The following SPATA45 variants were observed in gnomAD, a reference collection of about 807,000 sequenced individuals.
The protein encoded by SPATA45 is spermatogenesis associated 45.
Under a neutral mutation model 7.0 loss-of-function variants are expected in SPATA45, and 5 were observed. The observed-to-expected ratio is 0.71, with a 90% CI of 0.37 to 1.50. The LOEUF (loss-of-function observed/expected upper bound fraction) is 1.50, where lower values mean the gene tolerates loss of function less well. Ranked by LOEUF, SPATA45 falls within the 40% of genes most tolerant of loss-of-function variation. The probability of loss-of-function intolerance (pLI) is 0.03; values close to 1 mark genes in which losing one functional copy is unlikely to be tolerated. For missense variants in SPATA45, 111 were observed against 114.9 expected (o/e 0.97, Z 0.16); for synonymous variants, 40 against 38.7 (o/e 1.03, Z -0.13).
chr1:212,833,194 A>G (rs572809200), intron 2 of SPATA45, among the ~76,000 whole-genome samples: 1 of 151,634 alleles, frequency 6.6e-6, no homozygotes, highest in Admixed American at 6.6e-5. Flanking sequence ...GCACCCATCA[A>G]CCGAGCATAT....
chr1:212,846,485 A>T (rs144898724), intron 1 of SPATA45, among the ~76,000 whole-genome samples: 1 of 152,164 alleles, frequency 6.6e-6, no homozygotes, highest in African/African-American at 2.4e-5. Flanking sequence ...AGACCTGAAA[A>T]TAGCCTTAAC....
At chr1:212,840,966 G>T (rs115121570) in intron 1 of SPATA45, among the ~76,000 whole-genome samples, 3,466 of 151,820 alleles carry the variant, frequency 0.023, 60 homozygotes, top group South Asian at 0.041. Flanking sequence ...TTTTGAGGCG[G>T]AGTCTCTCTC....
chr1:212,840,666 G>A (rs1663664387), intron 1 of SPATA45, among the ~76,000 whole-genome samples: 1 of 152,080 alleles, frequency 6.6e-6, no homozygotes, highest in Non-Finnish European at 1.5e-5. Flanking sequence ...CGCCCAAGCT[G>A]GAGTGCAGGG....
chr1:212,833,156 C>A (rs978824517), intron 2 of SPATA45, among the ~76,000 whole-genome samples: 2 of 151,468 alleles, frequency 1.3e-5, no homozygotes, highest in African/African-American at 2.4e-5. Context: ...TGGGTAAGTT[C>A]TTCAGCGGTG....
At chr1:212,840,396 C>T (rs536345425) in intron 1 of SPATA45, among the ~76,000 whole-genome samples, 1 of 152,244 alleles carries the variant, frequency 6.6e-6, no homozygotes, top group Non-Finnish European at 1.5e-5. Flanking sequence ...GGCAGCAGAG[C>T]GAGTCTCCGT....
intron 2 of SPATA45, among the ~76,000 whole-genome samples, chr1:212,832,525 A>C (rs1663508697): frequency 6.6e-6 from 1 of 151,290 alleles, no homozygotes; most frequent in Non-Finnish European, 1.5e-5. Context: ...TTTTTGAGGC[A>C]AGATTTTATT....
chr1:212,846,156 C>T (rs9430104), intron 1 of SPATA45, among the ~76,000 whole-genome samples: 12,827 of 152,120 alleles, frequency 0.084, 859 homozygotes, highest in African/African-American at 0.18. Context: ...TCATTCTATA[C>T]GACAAATGCC....
At chr1:212,843,318 A>G (rs1188506978) in intron 1 of SPATA45, among the ~76,000 whole-genome samples, 1 of 152,052 alleles carries the variant, frequency 6.6e-6, no homozygotes, top group Non-Finnish European at 1.5e-5. Flanking sequence ...AAAGAAAGAA[A>G]AGTAAAGAAA....
At position 212,840,822 on chromosome 1, in the gene SPATA45, G is replaced by T. The variant is rs528241465; in HGVS notation, c.-38-4635C>A. ...TTTAGTAGAGACGGGGTTTCACCAT[G>T]TTAGCCAGGATGGACTCGATCTCCT... On this transcript the variant is annotated intron_variant, in intron 1 of 2. Transcript: ENST00000332912. 9.2e-5 allele frequency among the ~76,000 whole-genome samples: 14 copies of T among 152,186 alleles called. No homozygotes were observed. In the East Asian group the frequency reaches 2.7e-3, roughly 29 times the overall value.
intron 1 of SPATA45, among the ~76,000 whole-genome samples, chr1:212,847,034 G>A (rs561060023): frequency 2.0e-5 from 3 of 152,152 alleles, no homozygotes; most frequent in African/African-American, 7.2e-5. Context: ...GGAACTACAG[G>A]CACACACCAC....
chr1:212,837,352 G>A (rs889139713), intron 1 of SPATA45, among the ~76,000 whole-genome samples: 13 of 151,582 alleles, frequency 8.6e-5, no homozygotes, highest in Admixed American at 4.6e-4. Flanking sequence ...TAAAAGTGGC[G>A]GCCAGGCGCT....
chr1:212,847,169 G>A (rs1183987487), intron 1 of SPATA45, among the ~76,000 whole-genome samples: 1 of 152,172 alleles, frequency 6.6e-6, no homozygotes, highest in Non-Finnish European at 1.5e-5. Flanking sequence ...GGGATTACAG[G>A]CGTGAGCAAC....
chr1:212,830,234 G>T lies in SPATA45; in HGVS notation c.*8C>A, dbSNP rs776308053. ...GAATGTATTTCCGTGTGTCTCTGGAGATGCACTTTATCCAAATATGGCATT... is the reference window on the plus strand; with the variant it reads ...GAATGTATTTCCGTGTGTCTCTGGATATGCACTTTATCCAAATATGGCATT... On this transcript the variant is annotated 3_prime_UTR_variant, in exon 3 of 3. Coordinates refer to ENST00000332912, the MANE Select transcript of SPATA45 (RefSeq NM_001024601.3). 2.6e-6 allele frequency: 4 copies of T among 1,522,534 alleles called. No homozygotes were observed. In the South Asian group the frequency reaches 4.7e-5, roughly 18 times the overall value. 94.3% of individuals were successfully genotyped at this position (1,522,534 alleles called of 1,614,324 possible).
chr1:212,836,848 G>A (rs970387705), intron 1 of SPATA45, among the ~76,000 whole-genome samples: 26 of 148,026 alleles, frequency 1.8e-4, no homozygotes, highest in African/African-American at 2.5e-5. Flanking sequence ...TAGTAAAGAC[G>A]GGGTGTCACC....
intron 1 of SPATA45, among the ~76,000 whole-genome samples, chr1:212,840,657 G>A (rs1663664286): frequency 6.6e-6 from 1 of 151,942 alleles, no homozygotes. Flanking sequence ...TCGCTCTGTC[G>A]CCCAAGCTGG....
chr1:212,836,900 AC>A (rs1226352800), intron 1 of SPATA45, among the ~76,000 whole-genome samples: 1 of 147,212 alleles, frequency 6.8e-6, no homozygotes, highest in Non-Finnish European at 1.5e-5. Flanking sequence ...GTTGTGATCC[AC>A]CCGCCTCGGC....
At chr1:212,844,899 A>G (rs1002024903) in intron 1 of SPATA45, among the ~76,000 whole-genome samples, 1 of 152,164 alleles carries the variant, frequency 6.6e-6, no homozygotes, top group Non-Finnish European at 1.5e-5. Context: ...ATCAGATCCC[A>G]TCGCTCAGGG....
At position 212,836,078 on chromosome 1, in the gene SPATA45, C is replaced by A. The variant is rs746164114; in HGVS notation, c.72G>T (p.Glu24Asp). Residue 24 changes from glutamate (E) to aspartate (D), a missense_variant, in exon 2 of 3, where the codon GAG becomes GAT. Physicochemically the swap from Glu to Asp is conservative, Grantham distance 45. Transcript: ENST00000332912. ...AGTTGGATTCACGCTTTTTGTTTAT[C>A]TCCTCCAGGAGATGTTGTTTGCTTA... ...HGVSKQHLLEEINKKRESNCL... is the reference protein window; with the variant it reads ...HGVSKQHLLEDINKKRESNCL... 167 of 1,608,560 alleles carry A rather than the reference C, an allele frequency of 1.0e-4. 7 individuals are homozygous for A. The highest frequency in any genetic ancestry group is 1.5e-4 in the Admixed American group (9 of 59,886).
Position 212,836,129 on chromosome 1 carries a change from G to A in SPATA45, c.21C>T (p.Thr7=), listed in dbSNP as rs1663580788. ...CTCCATGTTTTTTCATTATTTCAAT[G>A]GTTCTGTTTATAGATGCCATTATGG... MASINR[T]IEIMKKHGVS... Residue 7 remains threonine (T), a synonymous_variant, in exon 2 of 3, where the codon ACC becomes ACT. Coordinates refer to ENST00000332912, the MANE Select transcript of SPATA45 (RefSeq NM_001024601.3). 1.9e-6 allele frequency: 3 copies of A among 1,603,970 alleles called. No homozygotes were observed. In the Admixed American group the frequency reaches 5.0e-5, roughly 27 times the overall value.
Sources: allele counts gnomAD v4.1 joint callset (sites outside exome capture counted in the v4.1 genomes callset), GRCh38; gene constraint gnomAD v4.1.1; transcripts MANE v1.5; gene names NCBI Gene and HGNC (gene_info 2026-07-23, HGNC 2026-07-21).